KCNQ3: variants seen among roughly 807,000 people sequenced by gnomAD.
The protein encoded by KCNQ3 is potassium voltage-gated channel subfamily Q member 3, also known as potassium voltage-gated channel subfamily KQT member 3.
Under a neutral mutation model 92.5 loss-of-function variants are expected in KCNQ3, and 30 were observed. The observed-to-expected ratio is 0.32, with a 90% CI of 0.24 to 0.44. The LOEUF (loss-of-function observed/expected upper bound fraction) is 0.44. Ranked by LOEUF, KCNQ3 falls within the 20% of genes least tolerant of loss-of-function variation. KCNQ3 has a pLI of 1.00. For synonymous variants in KCNQ3, 450 were observed against 468.8 expected, an observed-to-expected ratio of 0.96 and a Z score of 0.52; for missense variants, 913 against 1,140.3, an observed-to-expected ratio of 0.80 and a Z score of 2.87.
chr8:132,280,066 A>T (rs182128646), intron 1 of KCNQ3, among the ~76,000 whole-genome samples: 230 of 152,330 alleles, frequency 1.5e-3, no homozygotes, highest in African/African-American at 5.4e-3. Context: ...GCAATGAACA[A>T]GAAAAATCAA....
At chr8:132,448,502 G>GAAAAAAAAAAAAAAAAAAAAAAAA in intron 1 of KCNQ3, among the ~76,000 whole-genome samples, 26 of 93,848 alleles carry the variant, frequency 2.8e-4, no homozygotes, top group African/African-American at 4.7e-4. Context: ...GGAGAAATAT[G>GAAAAAAAAAAAAAAAAAAAAAAAA]AAAAAAAAAA....
At chr8:132,185,307 G>A (rs1428439830) in intron 2 of KCNQ3, among the ~76,000 whole-genome samples, 1 of 152,260 alleles carries the variant, frequency 6.6e-6, no homozygotes, top group African/African-American at 2.4e-5. Flanking sequence ...GCAGGATGGG[G>A]CCTCACCCCA....
rs1824995843 is a variant in KCNQ3 at position 132,134,338 on chromosome 8, T to C, written c.1751A>G (p.Lys584Arg). Reference sequence around the variant, plus strand: ...GGTGAATGCTGACCCTTTCTGAGACTTCTTGTGTTTTGGCGTGGAGGGAGG... The same window carrying C: ...GGTGAATGCTGACCCTTTCTGAGACCTCTTGTGTTTTGGCGTGGAGGGAGG... Reference protein sequence around the residue: ...PGPPSTPKHKKSQKGSAFTFP... With the variant: ...PGPPSTPKHKRSQKGSAFTFP... Residue 584 changes from lysine to arginine, a missense_variant, in exon 13 of 15, where the codon AAG becomes AGG. By Grantham distance (26) the Lys-to-Arg change is conservative. Around this residue, in one of 6 missense-constraint regions of KCNQ3, gnomAD observed 375 missense variants for 376.4 expected, o/e 1.00. Transcript: ENST00000388996. The C allele has an allele frequency of 6.2e-7, 1 of 1,614,088 alleles. No individual in the cohort carries two copies. The highest frequency in any genetic ancestry group is 2.2e-5 in the East Asian group (1 of 44,860).
intron 1 of KCNQ3, among the ~76,000 whole-genome samples, chr8:132,308,692 G>T (rs1042559471): frequency 3.9e-5 from 6 of 152,164 alleles, no homozygotes; most frequent in Non-Finnish European, 1.5e-5. Flanking sequence ...CTGACACTGG[G>T]GCAGCCGCTG....
intron 1 of KCNQ3, among the ~76,000 whole-genome samples, chr8:132,189,949 T>G (rs534402131): frequency 6.8e-6 from 1 of 146,166 alleles, no homozygotes; most frequent in African/African-American, 2.6e-5. Context: ...AGCCATATGC[T>G]GAAGGATTTT....
chr8:132,468,923 A>T (rs764251974), intron 1 of KCNQ3, among the ~76,000 whole-genome samples: 3 of 152,168 alleles, frequency 2.0e-5, no homozygotes, highest in Non-Finnish European at 4.4e-5. Context: ...CTTGAGCTGT[A>T]ACCCAATTTG....
chr8:132,252,926 AAC>A (rs1815464360), intron 1 of KCNQ3, among the ~76,000 whole-genome samples: 1 of 152,170 alleles, frequency 6.6e-6, no homozygotes, highest in Non-Finnish European at 1.5e-5. Context: ...CTCTGGGTAA[AAC>A]ACTGCCCTCC....
At chr8:132,132,757 T>A (rs1824926935) in intron 13 of KCNQ3, among the ~76,000 whole-genome samples, 1 of 152,258 alleles carries the variant, frequency 6.6e-6, no homozygotes, top group Admixed American at 6.5e-5. Context: ...TTGAACATGA[T>A]GCAAAAGATG....
chr8:132,202,783 A>G (rs1827502007), intron 1 of KCNQ3, among the ~76,000 whole-genome samples: 1 of 152,164 alleles, frequency 6.6e-6, no homozygotes, highest in African/African-American at 2.4e-5. Flanking sequence ...TCCCGGGTTC[A>G]AGCAATTCTC....
Position 132,129,716 on chromosome 8 carries a change from C to T in KCNQ3, c.2165G>A (p.Arg722Gln), listed in dbSNP as rs377725346. ...FFAHDPVNLP[R>Q]GGPSSGKVQA... Reference sequence around the variant, plus strand: ...AACCTTTCCAGAACTGGGTCCCCCTCGGGGCAGGTTCACAGGGTCATGTGC... The same window carrying T: ...AACCTTTCCAGAACTGGGTCCCCCTTGGGGCAGGTTCACAGGGTCATGTGC... The change falls in exon 15 of 15, where the codon CGA becomes CAA. Residue 722 changes from arginine to glutamine, a missense_variant. Arg to Gln is a conservative substitution (Grantham distance 43, BLOSUM62 1). This residue lies in a region of KCNQ3 where 375 missense variants were observed against 376.4 expected (regional missense o/e 1.00). Coordinates refer to ENST00000388996, the MANE Select transcript of KCNQ3 (RefSeq NM_004519.4). The surrounding 1 kb of genome is among the most constrained non-coding windows in gnomAD (Gnocchi z 5.9). 3.5e-5 allele frequency: 56 copies of T among 1,613,980 alleles called. No homozygotes were observed. The highest frequency in any genetic ancestry group is 1.8e-4 in the South Asian group (16 of 91,082).
intron 1 of KCNQ3, among the ~76,000 whole-genome samples, chr8:132,317,894 C>T (rs1189518577): frequency 6.6e-6 from 1 of 152,120 alleles, no homozygotes; most frequent in African/African-American, 2.4e-5. Context: ...TGGAGACGGG[C>T]CTGAGGTTGC....
At chr8:132,226,382 G>C (rs367580036) in intron 1 of KCNQ3, among the ~76,000 whole-genome samples, 172 of 152,220 alleles carry the variant, frequency 1.1e-3, no homozygotes, top group African/African-American at 4.0e-3. Flanking sequence ...GATGGAAAAA[G>C]GTGTATATGT....
chr8:132,439,434 G>T (rs189881416), intron 1 of KCNQ3, among the ~76,000 whole-genome samples: 6 of 152,210 alleles, frequency 3.9e-5, no homozygotes, highest in African/African-American at 1.4e-4. Flanking sequence ...TGAGAAAGAA[G>T]GTGCTTCCAT....
At chr8:132,430,530 T>C (rs1378284544) in intron 1 of KCNQ3, among the ~76,000 whole-genome samples, 1 of 152,156 alleles carries the variant, frequency 6.6e-6, no homozygotes, top group African/African-American at 2.4e-5. Context: ...TGAAATCAAG[T>C]GTTGAGCTAA....
chr8:132,349,369 G>A (rs1365892872), intron 1 of KCNQ3, among the ~76,000 whole-genome samples: 2 of 152,192 alleles, frequency 1.3e-5, no homozygotes, highest in Non-Finnish European at 2.9e-5. Flanking sequence ...CAGAAGCACA[G>A]ATGAGAGATA....
In KCNQ3 at chr8:132,423,619, G is replaced by C. The variant is rs528368898; in HGVS notation, c.386+56528C>G. Among the ~76,000 whole-genome samples, 8 of 152,324 alleles carry C rather than the reference G, an allele frequency of 5.3e-5. No individual in the cohort carries two copies. The South Asian group carries it at 1.7e-3, about 32-fold the overall frequency. ...CAGGGCTGTTGTGAAGATCCGATGA[G>C]CAAATCACTAACAAAGGAAGGCACA... On this transcript the variant is annotated intron_variant, in intron 1 of 14. Transcript: ENST00000388996.
At chr8:132,359,183 G>A (rs947665681) in intron 1 of KCNQ3, among the ~76,000 whole-genome samples, 1 of 151,974 alleles carries the variant, frequency 6.6e-6, no homozygotes, top group Non-Finnish European at 1.5e-5. Flanking sequence ...TAACGGTAGT[G>A]GGGTACCCAA....
At chr8:132,448,938 G>T (rs1255458665) in intron 1 of KCNQ3, among the ~76,000 whole-genome samples, 1 of 152,182 alleles carries the variant, frequency 6.6e-6, no homozygotes, top group Admixed American at 6.5e-5. Context: ...TCCTGAGAGA[G>T]AAAAAAGGCC....
At chr8:132,330,342 T>C (rs1818193344) in intron 1 of KCNQ3, among the ~76,000 whole-genome samples, 1 of 152,224 alleles carries the variant, frequency 6.6e-6, no homozygotes, top group Admixed American at 6.5e-5. Flanking sequence ...TTAATGGTAC[T>C]TCATTATGGC....
Sources: gnomAD v4.1 joint callset for allele counts (sites outside exome capture counted in the v4.1 genomes callset) on GRCh38, gnomAD v4.1.1 for gene constraint, gnomAD v4.1.1 regional missense constraint, Gnocchi (gnomAD v3.1) non-coding constraint, MANE v1.5 for transcripts, NCBI Gene and HGNC (gene_info 2026-07-23, HGNC 2026-07-21) for gene names.